Variants in MARCHF4 observed in about 807,000 individuals in gnomAD.
The protein encoded by MARCHF4 is membrane associated ring-CH-type finger 4, also known as E3 ubiquitin-protein ligase MARCHF4.
In MARCHF4, 14 loss-of-function variants were observed where a neutral mutation model predicts 43.9. The observed-to-expected ratio is 0.32, with a 90% confidence interval of 0.21 to 0.50. The LOEUF (loss-of-function observed/expected upper bound fraction) is 0.50. Among genes scored for constraint, MARCHF4 ranks in the 20% least tolerant of loss-of-function variants. The pLI is 0.98. For missense variants in MARCHF4, 468 were observed against 536.7 expected (o/e 0.87, Z 1.27); for synonymous variants, 226 against 213.3 (o/e 1.06, Z -0.52).
chr2:216,268,992 C>T, intron 3 of MARCHF4, among the ~76,000 whole-genome samples: 1 of 152,046 alleles, frequency 6.6e-6, no homozygotes, highest in East Asian at 1.9e-4. Flanking sequence ...ATCTTTAAAT[C>T]ACTGAAAAGA....
intron 1 of MARCHF4, among the ~76,000 whole-genome samples, chr2:216,316,519 T>A (rs1559097436): frequency 6.6e-6 from 1 of 152,068 alleles, no homozygotes; most frequent in Non-Finnish European, 1.5e-5. Flanking sequence ...AATTTCATTC[T>A]TGAAGAAATG....
At chr2:216,328,149 G>A (rs909058211) in intron 1 of MARCHF4, among the ~76,000 whole-genome samples, 7 of 152,030 alleles carry the variant, frequency 4.6e-5, no homozygotes, top group East Asian at 1.9e-4. Context: ...GCAAGGGGGC[G>A]TACAATCCTG....
chr2:216,315,047 A>C (rs540937848), intron 1 of MARCHF4, among the ~76,000 whole-genome samples: 1 of 152,380 alleles, frequency 6.6e-6, no homozygotes, highest in South Asian at 2.1e-4. Flanking sequence ...TTGAATGTCA[A>C]TATATTATTG....
chr2:216,307,770 C>A (rs926206983), intron 1 of MARCHF4, among the ~76,000 whole-genome samples: 1 of 152,124 alleles, frequency 6.6e-6, no homozygotes, highest in African/African-American at 2.4e-5. Flanking sequence ...TCCATGTATT[C>A]ATTCATTCGT....
At chr2:216,283,782 G>T (rs1313278245) in intron 1 of MARCHF4, 53 bp from the exon 2 acceptor site, 2 of 1,513,272 alleles carry the variant, frequency 1.3e-6, no homozygotes, top group African/African-American at 2.7e-5. Flanking sequence ...TGGCTGGTGG[G>T]TGAGTGATGG....
chr2:216,355,294 C>CT (rs1692484218), intron 1 of MARCHF4, among the ~76,000 whole-genome samples: 1 of 151,952 alleles, frequency 6.6e-6, no homozygotes, highest in Non-Finnish European at 1.5e-5. Context: ...TTTTTATAAT[C>CT]TTTTTATTAA....
intron 3 of MARCHF4, among the ~76,000 whole-genome samples, chr2:216,275,010 T>TAGCTGTC (rs1305113949): frequency 6.6e-6 from 1 of 152,180 alleles, no homozygotes; most frequent in Non-Finnish European, 1.5e-5. Flanking sequence ...TCCCATCCCA[T>TAGCTGTC]AGCTGTCTCC....
chr2:216,303,383 G>A (rs1486454337), intron 1 of MARCHF4: 2 of 152,234 alleles, frequency 1.3e-5, no homozygotes. Context: ...AAATGGGCAG[G>A]ATAACAATTT....
intron 1 of MARCHF4, among the ~76,000 whole-genome samples, chr2:216,300,696 T>C (rs1691480276): frequency 6.6e-6 from 1 of 152,108 alleles, no homozygotes; most frequent in African/African-American, 2.4e-5. Context: ...AGCTCGAAGA[T>C]AATAATAATA....
chr2:216,326,705 G>T (rs561068626), intron 1 of MARCHF4, among the ~76,000 whole-genome samples: 3 of 151,412 alleles, frequency 2.0e-5, no homozygotes, highest in Non-Finnish European at 4.4e-5. Context: ...GTAAACTATC[G>T]CAAGAACAAA....
At chr2:216,336,742 TAAAAAAAAA>T (rs58031229) in intron 1 of MARCHF4, among the ~76,000 whole-genome samples, 12 of 55,680 alleles carry the variant, frequency 2.2e-4, no homozygotes, top group South Asian at 1.6e-3. Context: ...CAAATAGATT[TAAAAAAAAA>T]AAAAAAAAAA....
chr2:216,314,589 C>T (rs113213283), intron 1 of MARCHF4, among the ~76,000 whole-genome samples: 4,712 of 152,236 alleles, frequency 0.031, 252 homozygotes, highest in African/African-American at 0.11. Context: ...TCCCAAAGTG[C>T]TGGGGTTACA....
At chr2:216,274,222 G>A (rs1690986754) in intron 3 of MARCHF4, among the ~76,000 whole-genome samples, 1 of 152,178 alleles carries the variant, frequency 6.6e-6, no homozygotes, top group African/African-American at 2.4e-5. Flanking sequence ...GGAGCCAAGA[G>A]AATAGCTAGG....
At chr2:216,277,072 G>A in intron 3 of MARCHF4, among the ~76,000 whole-genome samples, 1 of 152,288 alleles carries the variant, frequency 6.6e-6, no homozygotes, top group Non-Finnish European at 1.5e-5. Flanking sequence ...TGAAACAGGA[G>A]TGAGGATTTG....
intron 1 of MARCHF4, among the ~76,000 whole-genome samples, chr2:216,354,911 C>CTTTCTTCCTTT (rs1559106530): frequency 2.4e-5 from 2 of 82,738 alleles, no homozygotes; most frequent in Non-Finnish European, 4.7e-5. Flanking sequence ...TTCTTTCTTT[C>CTTTCTTCCTTT]TTTCTTTCTT....
intron 1 of MARCHF4, among the ~76,000 whole-genome samples, chr2:216,331,785 GA>G (rs1187456814): frequency 6.6e-6 from 1 of 152,118 alleles, no homozygotes; most frequent in East Asian, 1.9e-4. Flanking sequence ...ACCCATGAAT[GA>G]AAAAGTTATT....
intron 1 of MARCHF4, among the ~76,000 whole-genome samples, chr2:216,320,609 TTCTTTC>T (rs1443901023): frequency 0.1 from 3,645 of 35,246 alleles, 106 homozygotes; most frequent in African/African-American, 0.15. Context: ...TAGCCTCTTT[TTCTTTC>T]TTTCTTTCTT....
intron 1 of MARCHF4, among the ~76,000 whole-genome samples, chr2:216,290,579 T>G (rs935871432): frequency 4.6e-5 from 7 of 152,152 alleles, no homozygotes; most frequent in Non-Finnish European, 8.8e-5. Flanking sequence ...CTGATCATAT[T>G]TGACAGGATC....
At chr2:216,326,325 G>A (rs1187765040) in intron 1 of MARCHF4, among the ~76,000 whole-genome samples, 1 of 150,470 alleles carries the variant, frequency 6.6e-6, no homozygotes, top group Admixed American at 6.6e-5. Flanking sequence ...GTGCTGGAGA[G>A]GATGTGGAGA....
Sources: allele counts gnomAD v4.1 joint callset (sites outside exome capture counted in the v4.1 genomes callset), GRCh38; gene constraint gnomAD v4.1.1; transcripts MANE v1.5; gene names NCBI Gene and HGNC (gene_info 2026-07-23, HGNC 2026-07-21).